MAP2: variants seen among roughly 807,000 people sequenced by gnomAD.
MAP2 encodes microtubule associated protein 2.
Under a neutral mutation model 137.6 loss-of-function variants are expected in MAP2, and 14 were observed. The ratio of observed to expected loss-of-function variants is 0.10; its 90% confidence interval spans 0.07 to 0.16. The LOEUF (loss-of-function observed/expected upper bound fraction) is 0.16. Among genes scored for constraint, MAP2 ranks in the 10% least tolerant of loss-of-function variants. MAP2 has a pLI of 1.00. For synonymous variants in MAP2, 786 were observed against 782.3 expected (o/e 1.00, Z -0.08); for missense variants, 2,088 against 2,191.5 (o/e 0.95, Z 0.94).
chr2:209,716,506 C>A (rs1397881000), intron 13 of MAP2, among the ~76,000 whole-genome samples: 1 of 152,172 alleles, frequency 6.6e-6, no homozygotes, highest in Non-Finnish European at 1.5e-5. Flanking sequence ...AATTCATAAA[C>A]TTTTTAAAAA....
At chr2:209,611,682 A>C (rs1243213187) in intron 3 of MAP2, among the ~76,000 whole-genome samples, 1 of 152,082 alleles carries the variant, frequency 6.6e-6, no homozygotes, top group African/African-American at 2.4e-5. Flanking sequence ...ATGAGTCCAT[A>C]ACAGTGTTAG....
At chr2:209,623,990 A>G (rs1244446036) in intron 3 of MAP2, among the ~76,000 whole-genome samples, 1 of 152,190 alleles carries the variant, frequency 6.6e-6, no homozygotes, top group Non-Finnish European at 1.5e-5. Flanking sequence ...CACATGTAAA[A>G]GCACTTCATA....
At chr2:209,591,805 T>G (rs1233583524) in intron 3 of MAP2, among the ~76,000 whole-genome samples, 1 of 152,166 alleles carries the variant, frequency 6.6e-6, no homozygotes, top group Non-Finnish European at 1.5e-5. Flanking sequence ...AGTGAGAAAT[T>G]TAGCACACTA....
intron 2 of MAP2, among the ~76,000 whole-genome samples, chr2:209,570,964 C>T (rs2074301179): frequency 6.6e-6 from 1 of 151,866 alleles, no homozygotes; most frequent in African/African-American, 2.4e-5. Context: ...TCCTAAAATA[C>T]AAATTTTACT....
intron 5 of MAP2, among the ~76,000 whole-genome samples, chr2:209,654,963 C>A (rs1056491102): frequency 6.6e-6 from 1 of 152,044 alleles, no homozygotes; most frequent in African/African-American, 2.4e-5. Context: ...CTCTCAGTGC[C>A]TGTTATGAAA....
chr2:209,589,048 GC>G (rs1161205585), intron 3 of MAP2, among the ~76,000 whole-genome samples: 47 of 152,198 alleles, frequency 3.1e-4, no homozygotes, highest in Non-Finnish European at 5.4e-4. Flanking sequence ...ATGTTTGCAT[GC>G]TTAATGGAAT....
At chr2:209,476,451 G>C (rs1707260615) in intron 1 of MAP2, among the ~76,000 whole-genome samples, 1 of 148,356 alleles carries the variant, frequency 6.7e-6, no homozygotes, top group South Asian at 2.1e-4. Flanking sequence ...CTGTAATTTA[G>C]GAAATACAAT....
At chr2:209,590,227 CCCTT>C (rs1444832383) in intron 3 of MAP2, among the ~76,000 whole-genome samples, 1 of 151,250 alleles carries the variant, frequency 6.6e-6, no homozygotes, top group Non-Finnish European at 1.5e-5. Context: ...AACTAGAACA[CCCTT>C]CCTATTATTT....
chr2:209,468,264 C>A (rs932902769), intron 1 of MAP2, among the ~76,000 whole-genome samples: 1 of 148,048 alleles, frequency 6.8e-6, no homozygotes, highest in African/African-American at 2.5e-5. Flanking sequence ...AGGCTAATTT[C>A]AGTTTTTAGA....
chr2:209,598,672 C>A (rs1475973949), intron 3 of MAP2, among the ~76,000 whole-genome samples: 11 of 149,700 alleles, frequency 7.3e-5, no homozygotes, highest in Non-Finnish European at 1.2e-4. Flanking sequence ...TGTTCAATTC[C>A]CACCTATGAG....
chr2:209,437,875 CT>C (rs139245853), intron 1 of MAP2, among the ~76,000 whole-genome samples: 4,193 of 151,698 alleles, frequency 0.028, 213 homozygotes, highest in African/African-American at 0.097. Flanking sequence ...AGTCGTTCCC[CT>C]GTAATCATCT....
chr2:209,658,572 T>C (rs1470221070), intron 5 of MAP2, among the ~76,000 whole-genome samples: 1 of 152,060 alleles, frequency 6.6e-6, no homozygotes, highest in Non-Finnish European at 1.5e-5. Flanking sequence ...AATGGCACGA[T>C]CTTGGCTCAT....
chr2:209,606,484 C>A (rs146210405), intron 3 of MAP2, among the ~76,000 whole-genome samples: 16 of 152,030 alleles, frequency 1.1e-4, no homozygotes, highest in Admixed American at 3.9e-4. Context: ...TGTGATCACA[C>A]CACTGTACTC....
At chr2:209,636,469 T>C (rs1426853261) in intron 4 of MAP2, among the ~76,000 whole-genome samples, 1 of 152,032 alleles carries the variant, frequency 6.6e-6, no homozygotes, top group Non-Finnish European at 1.5e-5. Context: ...GAGTGAGTCC[T>C]GTTTTTGGAG....
intron 2 of MAP2, among the ~76,000 whole-genome samples, chr2:209,507,897 T>A (rs1379189597): frequency 1.3e-5 from 2 of 152,068 alleles, no homozygotes; most frequent in Admixed American, 1.3e-4. Context: ...TTTCGAATAA[T>A]GAAAAAAATC....
chr2:209,710,383 G>A (rs2065015016), intron 13 of MAP2, 129 bp downstream of exon 13: 3 of 792,486 alleles, frequency 3.8e-6, no homozygotes, highest in Non-Finnish European at 3.9e-6. Context: ...TTATTGCTAA[G>A]AGTTTGGACT....
At chr2:209,458,951 T>C (rs1360795217) in intron 1 of MAP2, among the ~76,000 whole-genome samples, 1 of 152,180 alleles carries the variant, frequency 6.6e-6, no homozygotes, top group African/African-American at 2.4e-5. Context: ...TGATTTATAA[T>C]ACATGTAAAG....
chr2:209,660,048 T>A (rs1410006911), intron 5 of MAP2, among the ~76,000 whole-genome samples: 16 of 151,522 alleles, frequency 1.1e-4, no homozygotes. Context: ...AAAAAAAAAA[T>A]GCTGGTCACA....
intron 2 of MAP2, among the ~76,000 whole-genome samples, chr2:209,511,640 T>C (rs1309430792): frequency 6.6e-6 from 1 of 152,204 alleles, no homozygotes; most frequent in East Asian, 1.9e-4. Context: ...GACACAATCA[T>C]GGCTCACTGC....
Sources: gnomAD v4.1 joint callset for allele counts (sites outside exome capture counted in the v4.1 genomes callset) on GRCh38, gnomAD v4.1.1 for gene constraint, MANE v1.5 for transcripts, NCBI Gene and HGNC (gene_info 2026-07-23, HGNC 2026-07-21) for gene names.